The following MTARC2 variants were observed in gnomAD, a reference collection of about 807,000 sequenced individuals.
MTARC2 encodes mitochondrial amidoxime reducing component 2, also known as MOCO sulphurase C-terminal domain containing 2.
Under a neutral mutation model 35.6 loss-of-function variants are expected in MTARC2, and 27 were observed. The observed-to-expected ratio is 0.76, with a 90% CI of 0.56 to 1.04. MTARC2 has a LOEUF of 1.04. MTARC2 is among the 50% of genes least tolerant of loss of function. The pLI is 0.00. For missense variants in MTARC2, 412 were observed against 432.5 expected, an observed-to-expected ratio of 0.95 and a Z score of 0.42; for synonymous variants, 158 against 167.1, an observed-to-expected ratio of 0.95 and a Z score of 0.42.
At position 220,780,199 on chromosome 1, in the gene MTARC2, G is replaced by A. The variant is rs1245000732; in HGVS notation, c.844G>A (p.Gly282Arg). 6.2e-7 allele frequency: 1 copy of A among 1,612,772 alleles called. No individual in the cohort carries two copies. The highest frequency in any genetic ancestry group is 8.5e-7 in the Non-Finnish European group (1 of 1,179,594). ...CILTTVDPDT[G>R]VIDRKQPLDT... Reference sequence around the variant, plus strand: ...TTTGACAACGGTGGACCCAGACACTGGAGTCATAGACAGGAAACAGCCACT... The same window carrying A: ...TTTGACAACGGTGGACCCAGACACTAGAGTCATAGACAGGAAACAGCCACT... The change falls in exon 6 of 8, where the codon GGA becomes AGA. Residue 282 changes from glycine to arginine, a missense_variant. Coordinates refer to ENST00000366913, the MANE Select transcript of MTARC2 (RefSeq NM_017898.5).
chr1:220,748,929 G>A (rs1671060351), intron 1 of MTARC2, 126 bp downstream of exon 1: 2 of 1,242,708 alleles, frequency 1.6e-6, no homozygotes, highest in Non-Finnish European at 1.0e-6. Flanking sequence ...TGGGCTGACT[G>A]TTGGGCCGTT....
chr1:220,776,769 C>T (rs1476953937), intron 4 of MTARC2, among the ~76,000 whole-genome samples: 1 of 152,194 alleles, frequency 6.6e-6, no homozygotes, highest in Non-Finnish European at 1.5e-5. Flanking sequence ...CGTTATGTGT[C>T]TTGGAAATCT....
intron 6 of MTARC2, among the ~76,000 whole-genome samples, chr1:220,781,190 C>G (rs1020948732): frequency 1.3e-5 from 2 of 152,110 alleles, no homozygotes; most frequent in South Asian, 4.1e-4. Flanking sequence ...TTCAGATTTA[C>G]AATTCTATTT....
intron 2 of MTARC2, among the ~76,000 whole-genome samples, chr1:220,755,459 G>A (rs1025724930): frequency 6.6e-6 from 1 of 152,196 alleles, no homozygotes; most frequent in African/African-American, 2.4e-5. Flanking sequence ...GGTGGGTCAG[G>A]AGGCAGAGGG....
chr1:220,766,841 T>C (rs1022363921), intron 4 of MTARC2, among the ~76,000 whole-genome samples: 1 of 112,618 alleles, frequency 8.9e-6, no homozygotes, highest in Non-Finnish European at 1.9e-5. Context: ...TTTTAAATAA[T>C]AAACTGAAAA....
chr1:220,754,837 G>C (rs1453747739), intron 1 of MTARC2, 110 bp from the exon 2 acceptor site: 2 of 1,024,370 alleles, frequency 2.0e-6, no homozygotes, highest in African/African-American at 3.2e-5. Context: ...ATGATTGTTA[G>C]GTCCCAAGAC....
At chr1:220,759,141 G>A (rs1160027655) in intron 2 of MTARC2, among the ~76,000 whole-genome samples, 1 of 152,080 alleles carries the variant, frequency 6.6e-6, no homozygotes. Flanking sequence ...TGTTTGCTGT[G>A]TAAGATTGGT....
chr1:220,748,794 T>C lies in MTARC2; in HGVS notation c.263T>C (p.Leu88Pro), dbSNP rs751583558. The C allele has an allele frequency of 1.3e-6, 2 of 1,592,990 alleles. No individual in the cohort carries two copies. Among genetic ancestry groups the C allele is most frequent in the Middle Eastern group, 1.7e-4 (1 of 5,908 alleles). The change falls in exon 1 of 8, where the codon CTG becomes CCG. Residue 88 changes from leucine to proline, a missense_variant. Leu to Pro is a moderately conservative substitution (Grantham distance 98, BLOSUM62 -3). Coordinates refer to ENST00000366913, the MANE Select transcript of MTARC2 (RefSeq NM_017898.5). ...CTAMGLRSGN[L>P]RDRFWLVIKE... Reference sequence around the variant, plus strand: ...GCCATGGGGCTGCGCAGCGGCAACCTGCGGGACAGGTACAGCACAGCGCGG... The same window carrying C: ...GCCATGGGGCTGCGCAGCGGCAACCCGCGGGACAGGTACAGCACAGCGCGG...
intron 6 of MTARC2, among the ~76,000 whole-genome samples, chr1:220,780,654 T>G (rs1386783061): frequency 6.6e-6 from 1 of 152,112 alleles, no homozygotes; most frequent in Admixed American, 6.5e-5. Context: ...TTTCACCATG[T>G]TGGCCAGGCT....
At chr1:220,770,242 A>G (rs1379992688) in intron 4 of MTARC2, 1 of 200,490 alleles carries the variant, frequency 5.0e-6, no homozygotes, top group African/African-American at 2.4e-5. Flanking sequence ...GTCCTTCACC[A>G]TGCTTTTTCT....
At chr1:220,771,023 G>A (rs1251489257) in intron 4 of MTARC2, among the ~76,000 whole-genome samples, 2 of 152,116 alleles carry the variant, frequency 1.3e-5, no homozygotes, top group African/African-American at 4.8e-5. Flanking sequence ...GGCAGTCCAG[G>A]CTCCGTGGCT....
At chr1:220,766,480 G>A (rs1167573469) in intron 4 of MTARC2, among the ~76,000 whole-genome samples, 1 of 152,198 alleles carries the variant, frequency 6.6e-6, no homozygotes, top group Non-Finnish European at 1.5e-5. Flanking sequence ...ATGGAAATTA[G>A]TTCATGGAGT....
In MTARC2 at chr1:220,755,018, C is replaced by T. The variant is rs1671237468; in HGVS notation, c.344C>T (p.Ser115Phe). The change falls in exon 2 of 8, where the codon TCC (serine) becomes TTC (phenylalanine). Residue 115 changes from serine (S) to phenylalanine (F), a missense_variant. By Grantham distance (155) the Ser-to-Phe change is radical. Transcript: ENST00000366913. ...CAGGAGCCTCGCCTCGTGCTCATCT[C>T]CATCATTTATGAGAATAACTGCCTG... is the stretch of plus-strand genomic sequence containing the variant. ...ARQEPRLVLISIIYENNCLIF... is the reference protein window; with the variant it reads ...ARQEPRLVLIFIIYENNCLIF... 1.2e-6 allele frequency: 2 copies of T among 1,613,176 alleles called. No individual in the cohort carries two copies. The highest frequency in any genetic ancestry group is 1.7e-5 in the Admixed American group (1 of 59,916).
At position 220,777,445 on chromosome 1, in the gene MTARC2, C is replaced by A. The variant is rs190213121; in HGVS notation, c.751-2573C>A. ...GAAAAGTTATGGGGCTAGTCCCTAC[C>A]CCCTGCCCTGCTCTGCCTCCTGCAG... On this transcript the variant is annotated intron_variant, in intron 4 of 7. Transcript: ENST00000366913. Among the ~76,000 whole-genome samples, 323 of 152,288 alleles carry A rather than the reference C, an allele frequency of 2.1e-3. 1 individual carries two copies. Among genetic ancestry groups the A allele is most frequent in the Admixed American group, 3.5e-3 (53 of 15,306 alleles).
Position 220,748,523 on chromosome 1 carries a change from C to G in MTARC2, c.-9C>G. 1 of 1,393,754 alleles carries G rather than the reference C, an allele frequency of 7.2e-7. No individual in the cohort carries two copies. The highest frequency in any genetic ancestry group is 1.5e-5 in the African/African-American group (1 of 65,910). 86.3% of individuals were successfully genotyped at this position (1,393,754 alleles called of 1,614,324 possible). On this transcript the variant is annotated 5_prime_UTR_variant, in exon 1 of 8. Transcript: ENST00000366913. ...CTGTGCGCCGGTCCGCGCCCGCCCT[C>G]GCTCTGCCATGGGCGCTTCCAGCTC...
At chr1:220,769,127 A>G (rs904516483) in intron 4 of MTARC2, among the ~76,000 whole-genome samples, 1 of 152,148 alleles carries the variant, frequency 6.6e-6, no homozygotes, top group African/African-American at 2.4e-5. Flanking sequence ...ATTACAACTG[A>G]GTCATTTGTA....
chr1:220,760,313 A>G (rs1671406229), intron 2 of MTARC2, among the ~76,000 whole-genome samples: 1 of 152,252 alleles, frequency 6.6e-6, no homozygotes, highest in African/African-American at 2.4e-5. Context: ...TTTGTCTTAC[A>G]TTAAAATGAA....
chr1:220,763,202 A>G, intron 4 of MTARC2, 152 bp downstream of exon 4: 1 of 1,151,960 alleles, frequency 8.7e-7, no homozygotes, highest in Non-Finnish European at 1.2e-6. Context: ...GGAGTTGTTC[A>G]CCCATTGTTG....
intron 4 of MTARC2, among the ~76,000 whole-genome samples, chr1:220,779,517 CAG>C (rs1189302504): frequency 6.6e-6 from 1 of 152,192 alleles, no homozygotes; most frequent in Non-Finnish European, 1.5e-5. Context: ...AGGCAAGGCA[CAG>C]TCAGTGGCAG....
Sources: allele counts gnomAD v4.1 joint callset (sites outside exome capture counted in the v4.1 genomes callset), GRCh38; gene constraint gnomAD v4.1.1; transcripts MANE v1.5; gene names NCBI Gene and HGNC (gene_info 2026-07-23, HGNC 2026-07-21).